Variants in FMN2 observed in about 807,000 individuals in gnomAD.
The protein encoded by FMN2 is formin 2.
A neutral mutation model predicts 142.3 loss-of-function variants in FMN2; 51 were observed. The ratio of observed to expected loss-of-function variants is 0.36; its 90% CI spans 0.29 to 0.45. FMN2 has a LOEUF of 0.45. FMN2 is among the 20% of genes least tolerant of loss of function. The pLI, the probability that FMN2 is intolerant of heterozygous loss-of-function variation, is 1.00. For synonymous variants in FMN2, 882 were observed against 869.8 expected, an observed-to-expected ratio of 1.01 and a Z score of -0.25; for missense variants, 1,936 against 2,122.8, an observed-to-expected ratio of 0.91 and a Z score of 1.73.
chr1:240,344,288 A>G (rs1363486895), intron 13 of FMN2, among the ~76,000 whole-genome samples: 1 of 152,206 alleles, frequency 6.6e-6, no homozygotes, highest in African/African-American at 2.4e-5. Context: ...AATTTTCTGT[A>G]ATCTATGTAT....
chr1:240,178,598 C>T (rs552491154), intron 3 of FMN2, among the ~76,000 whole-genome samples: 27 of 152,104 alleles, frequency 1.8e-4, no homozygotes, highest in Middle Eastern at 3.4e-3. Flanking sequence ...TACACCACCA[C>T]GTCCAGCTAA....
At chr1:240,195,480 G>T (rs946219243) in intron 4 of FMN2, among the ~76,000 whole-genome samples, 1 of 152,220 alleles carries the variant, frequency 6.6e-6, no homozygotes, top group Non-Finnish European at 1.5e-5. Context: ...TCAGGCTTCA[G>T]TGATGCTGCT....
chr1:240,154,124 A>AG, intron 2 of FMN2, among the ~76,000 whole-genome samples: 1 of 149,224 alleles, frequency 6.7e-6, no homozygotes, highest in Non-Finnish European at 1.5e-5. Context: ...AAAAAAAAAA[A>AG]AAAAAAAGTG....
At chr1:240,263,580 G>A (rs1165666502) in intron 7 of FMN2, among the ~76,000 whole-genome samples, 1 of 152,200 alleles carries the variant, frequency 6.6e-6, no homozygotes, top group Non-Finnish European at 1.5e-5. Flanking sequence ...AGCCTCGGTT[G>A]TTGATTTAGA....
At chr1:240,467,424 C>T (rs1162898314) in intron 16 of FMN2, among the ~76,000 whole-genome samples, 4 of 151,940 alleles carry the variant, frequency 2.6e-5, no homozygotes, top group African/African-American at 7.3e-5. Flanking sequence ...CCCACCACCA[C>T]GCCTGGCTAA....
intron 2 of FMN2, among the ~76,000 whole-genome samples, chr1:240,129,414 C>T (rs554256165): frequency 6.6e-6 from 1 of 151,862 alleles, no homozygotes; most frequent in South Asian, 2.1e-4. Context: ...TTTTTTCAGA[C>T]CAACTTTAAC....
At chr1:240,439,270 C>CAAAAAGA (rs751989062) in intron 16 of FMN2, among the ~76,000 whole-genome samples, 4 of 101,264 alleles carry the variant, frequency 4.0e-5, no homozygotes, top group Non-Finnish European at 7.4e-5. Context: ...AAGGCTGTCT[C>CAAAAAGA]AAAAAAAAAA....
At chr1:240,126,868 T>C (rs1277308144) in intron 2 of FMN2, among the ~76,000 whole-genome samples, 4 of 152,124 alleles carry the variant, frequency 2.6e-5, no homozygotes, top group African/African-American at 9.7e-5. Flanking sequence ...GCTCTCAGAT[T>C]CTAATAAGTG....
chr1:240,155,894 C>CTT (rs57086534), intron 2 of FMN2, among the ~76,000 whole-genome samples: 3 of 136,292 alleles, frequency 2.2e-5, no homozygotes, highest in African/African-American at 7.9e-5. Flanking sequence ...AAATTAGATA[C>CTT]TTTTTTTTTT....
intron 13 of FMN2, among the ~76,000 whole-genome samples, chr1:240,338,204 T>C (rs1295831562): frequency 6.6e-6 from 1 of 152,202 alleles, no homozygotes; most frequent in Non-Finnish European, 1.5e-5. Flanking sequence ...ATATCTGAGT[T>C]GAAAACAAGT....
In FMN2 at chr1:240,230,236, A is replaced by G. The variant is rs1342616237; in HGVS notation, c.4065+19001A>G. Among the ~76,000 whole-genome samples the G allele has an allele frequency of 1.5e-5, 2 of 129,788 alleles. 1 individual carries two copies. The highest frequency in any genetic ancestry group is 3.2e-5 in the Non-Finnish European group (2 of 62,416). The allele number at this position is 129,788 out of a possible 152,430, so 85.1% of individuals were successfully genotyped here. A position where few individuals can be genotyped will look rare whatever the true frequency, so the allele number is the denominator to read the frequency against. The stretch of plus-strand genomic sequence containing the variant: ...CAGCTGCTTGAGAGGCTGAGGCAGG[A>G]GGATCGCTTAAGCCCAGGAGGTCAA... On this transcript the variant is annotated intron_variant, in intron 6 of 17. Coordinates refer to ENST00000319653, the MANE Select transcript of FMN2 (RefSeq NM_020066.5).
Position 240,206,916 on chromosome 1 carries a change from A to G in FMN2, c.2104A>G (p.Thr702Ala), listed in dbSNP as rs776162685. 1.2e-6 allele frequency: 2 copies of G among 1,614,224 alleles called. No homozygotes were observed. Among genetic ancestry groups the G allele is most frequent in the Admixed American group, 1.7e-5 (1 of 60,030 alleles). Reference sequence around the variant, plus strand: ...AGAGAGGCAGTATCCTGCCCTGGACACAGAGGTGGCCAGTGGTCATCAAGG... The same window carrying G: ...AGAGAGGCAGTATCCTGCCCTGGACGCAGAGGTGGCCAGTGGTCATCAAGG... Reference protein sequence around the residue: ...ELERQYPALDTEVASGHQGLE... With the variant: ...ELERQYPALDAEVASGHQGLE... Residue 702 changes from threonine (T) to alanine (A), a missense_variant, in exon 5 of 18, where the codon ACA becomes GCA. Around this residue, in one of 8 missense-constraint regions of FMN2, gnomAD observed 478 missense variants for 462.8 expected, o/e 1.03. Transcript: ENST00000319653.
At chr1:240,472,091 G>A (rs1351566294) in intron 16 of FMN2, 1 of 292,032 alleles carries the variant, frequency 3.4e-6, no homozygotes, top group East Asian at 7.8e-5. Context: ...TATATAGGAT[G>A]AAATGCATAC....
intron 3 of FMN2, among the ~76,000 whole-genome samples, chr1:240,184,236 C>CTTTTCT (rs1665279481): frequency 1.3e-5 from 1 of 79,438 alleles, no homozygotes; most frequent in Non-Finnish European, 2.2e-5. Flanking sequence ...AATATTTAAC[C>CTTTTCT]TTTTTTTTTT....
At chr1:240,261,408 C>T (rs1668626115) in intron 7 of FMN2, among the ~76,000 whole-genome samples, 1 of 150,078 alleles carries the variant, frequency 6.7e-6, no homozygotes. Flanking sequence ...TTTTTTTTTA[C>T]CACCAGCATT....
At chr1:240,432,663 C>T (rs375819142) in intron 15 of FMN2, among the ~76,000 whole-genome samples, 7 of 151,670 alleles carry the variant, frequency 4.6e-5, no homozygotes, top group Non-Finnish European at 1.0e-4. Context: ...ATTTGTATCC[C>T]GTATATTTTG....
intron 1 of FMN2, among the ~76,000 whole-genome samples, chr1:240,112,078 T>A (rs1202036341): frequency 6.6e-6 from 1 of 152,176 alleles, no homozygotes; most frequent in Non-Finnish European, 1.5e-5. Context: ...GGGCCTTTCC[T>A]AGATAAAGAT....
At chr1:240,463,419 G>A (rs1676511101) in intron 16 of FMN2, among the ~76,000 whole-genome samples, 2 of 152,204 alleles carry the variant, frequency 1.3e-5, no homozygotes, top group South Asian at 4.1e-4. Flanking sequence ...CAAGGCCCAG[G>A]TGGGTGAGAG....
At chr1:240,393,490 C>T (rs1673676870) in intron 15 of FMN2, among the ~76,000 whole-genome samples, 1 of 152,098 alleles carries the variant, frequency 6.6e-6, no homozygotes, top group African/African-American at 2.4e-5. Context: ...CTCCTCAGGC[C>T]TCCCCGTATT....
Sources: gnomAD v4.1 joint callset for allele counts (sites outside exome capture counted in the v4.1 genomes callset) on GRCh38, gnomAD v4.1.1 for gene constraint, gnomAD v4.1.1 regional missense constraint, MANE v1.5 for transcripts, NCBI Gene and HGNC (gene_info 2026-07-23, HGNC 2026-07-21) for gene names.